MEIS2: variants seen among roughly 807,000 people sequenced by gnomAD.
MEIS2 encodes the protein Meis homeobox 2.
Under a neutral mutation model 58.6 loss-of-function variants are expected in MEIS2, and 9 were observed. That is an observed-to-expected ratio of 0.15 (90% CI 0.09 to 0.27). The LOEUF (loss-of-function observed/expected upper bound fraction) is 0.27. Ranked by LOEUF, MEIS2 falls within the 10% of genes least tolerant of loss-of-function variation. The pLI is 1.00. For missense variants in MEIS2, 427 were observed against 635.0 expected, an observed-to-expected ratio of 0.67 and a Z score of 3.52; for synonymous variants, 221 against 228.4, an observed-to-expected ratio of 0.97 and a Z score of 0.29.
chr15:36,895,313 A>C (rs1277972930), intron 10 of MEIS2, 52 bp from the exon 11 acceptor site: 1 of 1,490,356 alleles, frequency 6.7e-7, no homozygotes, highest in Non-Finnish European at 9.3e-7. Context: ...AGATATACCA[A>C]ACAATCAGCA....
intron 9 of MEIS2, among the ~76,000 whole-genome samples, chr15:36,919,975 A>G (rs976929398): frequency 6.6e-5 from 10 of 152,140 alleles, no homozygotes; most frequent in Non-Finnish European, 1.3e-4. Context: ...ATACCCTTCT[A>G]GTTATTGTTC....
chr15:36,988,161 C>T (rs1388318375), intron 8 of MEIS2, among the ~76,000 whole-genome samples: 1 of 152,140 alleles, frequency 6.6e-6, no homozygotes, highest in African/African-American at 2.4e-5. Flanking sequence ...AGAAAGGCAA[C>T]TATATGAGAT....
intron 9 of MEIS2, among the ~76,000 whole-genome samples, chr15:36,927,910 A>G (rs2057812332): frequency 6.6e-6 from 1 of 152,200 alleles, no homozygotes; most frequent in Non-Finnish European, 1.5e-5. Context: ...AATATTTGAT[A>G]AATAACATAA....
At chr15:36,965,046 T>A (rs568824653) in intron 8 of MEIS2, among the ~76,000 whole-genome samples, 3 of 152,034 alleles carry the variant, frequency 2.0e-5, no homozygotes, top group Non-Finnish European at 4.4e-5. Flanking sequence ...GAAGCATTTG[T>A]GACTTATTAC....
At chr15:36,915,034 C>G (rs374263239) in intron 9 of MEIS2, among the ~76,000 whole-genome samples, 5 of 152,184 alleles carry the variant, frequency 3.3e-5, no homozygotes, top group South Asian at 4.2e-4. Flanking sequence ...CCTCAAGTAT[C>G]CTGTGTATGT....
chr15:37,100,794 G>C (rs1895031679), upstream of MEIS2: 1 of 151,198 alleles, frequency 6.6e-6, no homozygotes. Context: ...GGAGAGAGAA[G>C]AGGACAGGGA....
intron 9 of MEIS2, among the ~76,000 whole-genome samples, chr15:36,914,570 TG>T (rs1456290497): frequency 6.6e-6 from 1 of 152,070 alleles, no homozygotes; most frequent in Admixed American, 6.6e-5. Context: ...TAGTAGAGGA[TG>T]GGGGAAAGTG....
intron 9 of MEIS2, among the ~76,000 whole-genome samples, chr15:36,941,773 A>G (rs1244198752): frequency 6.6e-6 from 1 of 152,222 alleles, no homozygotes; most frequent in African/African-American, 2.4e-5. Context: ...CTCTTAGTCA[A>G]GGAAGACCCA....
At chr15:37,090,512 C>T (rs1347159355) in intron 6 of MEIS2, among the ~76,000 whole-genome samples, 5 of 151,978 alleles carry the variant, frequency 3.3e-5, no homozygotes, top group Non-Finnish European at 7.4e-5. Context: ...AATATACTTG[C>T]TTTGAAGATA....
At chr15:37,034,787 CTG>C (rs2062080857) in intron 8 of MEIS2, among the ~76,000 whole-genome samples, 1 of 152,188 alleles carries the variant, frequency 6.6e-6, no homozygotes, top group African/African-American at 2.4e-5. Context: ...ATGGTGGAGA[CTG>C]TGAGATTTCT....
chr15:37,067,875 A>G (rs934759301), intron 7 of MEIS2, among the ~76,000 whole-genome samples: 6 of 152,208 alleles, frequency 3.9e-5, no homozygotes, highest in African/African-American at 1.2e-4. Context: ...ACAGAAAGTG[A>G]TAAGTGATGT....
At chr15:37,057,285 G>A (rs1225357588) in intron 7 of MEIS2, among the ~76,000 whole-genome samples, 3 of 152,228 alleles carry the variant, frequency 2.0e-5, no homozygotes, top group South Asian at 4.1e-4. Flanking sequence ...GCTCGGGAGA[G>A]TCAATGAAAA....
intron 9 of MEIS2, among the ~76,000 whole-genome samples, chr15:36,929,356 C>G (rs2057877219): frequency 6.6e-6 from 1 of 152,158 alleles, no homozygotes; most frequent in East Asian, 1.9e-4. Flanking sequence ...TCTGCTCTGA[C>G]CTGTGGGTAT....
At chr15:36,944,440 C>A (rs2058485894) in intron 9 of MEIS2, among the ~76,000 whole-genome samples, 1 of 152,046 alleles carries the variant, frequency 6.6e-6, no homozygotes, top group African/African-American at 2.4e-5. Flanking sequence ...TATTTCAACC[C>A]ATGAGTGACT....
chr15:36,905,779 A>C (rs1197798983), intron 9 of MEIS2, among the ~76,000 whole-genome samples: 1 of 152,234 alleles, frequency 6.6e-6, no homozygotes, highest in Non-Finnish European at 1.5e-5. Context: ...TTATCAATAC[A>C]TACATATATA....
chr15:36,947,578 G>A (rs778473328), intron 9 of MEIS2, among the ~76,000 whole-genome samples: 46 of 151,920 alleles, frequency 3.0e-4, no homozygotes, highest in South Asian at 4.1e-4. Context: ...AACCAGAACC[G>A]CAAGTCTTCC....
intron 8 of MEIS2, among the ~76,000 whole-genome samples, chr15:36,979,382 G>C (rs2059858955): frequency 6.6e-6 from 1 of 152,038 alleles, no homozygotes; most frequent in Non-Finnish European, 1.5e-5. Context: ...TCAGATGAGA[G>C]ATACTCCATG....
chr15:36,961,117 C>A (rs2059165555), intron 8 of MEIS2, among the ~76,000 whole-genome samples: 1 of 151,816 alleles, frequency 6.6e-6, no homozygotes, highest in Admixed American at 6.6e-5. Context: ...ATCTTTGGGC[C>A]CCATTACTAT....
intron 9 of MEIS2, among the ~76,000 whole-genome samples, chr15:36,920,436 G>A (rs561012946): frequency 1.3e-5 from 2 of 152,234 alleles, no homozygotes; most frequent in East Asian, 1.9e-4. Flanking sequence ...CGTGAGCCAC[G>A]GCGCCCGGTC....
Sources: allele counts gnomAD v4.1 joint callset (sites outside exome capture counted in the v4.1 genomes callset), GRCh38; gene constraint gnomAD v4.1.1; transcripts MANE v1.5; gene names NCBI Gene and HGNC (gene_info 2026-07-23, HGNC 2026-07-21).